The following EPB41L3 variants were observed in gnomAD, a reference collection of about 807,000 sequenced individuals.
The protein encoded by EPB41L3 is erythrocyte membrane protein band 4.1 like 3, also known as band 4.1-like protein 3.
In EPB41L3, 57 loss-of-function variants were observed where a neutral mutation model predicts 127.1. The ratio of observed to expected loss-of-function variants is 0.45; its 90% CI spans 0.36 to 0.56. EPB41L3 has a LOEUF of 0.56. Ranked by LOEUF, EPB41L3 falls within the 20% of genes least tolerant of loss-of-function variation. The probability of loss-of-function intolerance (pLI) is 0.00; values close to 1 mark genes in which losing one functional copy is unlikely to be tolerated. For synonymous variants in EPB41L3, 572 were observed against 549.5 expected (o/e 1.04, Z -0.57); for missense variants, 1,273 against 1,372.2 (o/e 0.93, Z 1.14).
chr18:5,591,629 T>C (rs1463371185), intron 3 of EPB41L3, among the ~76,000 whole-genome samples: 1 of 152,192 alleles, frequency 6.6e-6, no homozygotes, highest in Non-Finnish European at 1.5e-5. Context: ...GGAAGAAAAG[T>C]GGAAGAAATA....
At chr18:5,544,232 C>A, upstream of EPB41L3, 1 of 985,688 alleles carries the variant, frequency 1.0e-6, no homozygotes, top group Non-Finnish European at 1.2e-6. Context: ...GGTCAGGCTC[C>A]GCGGACGACG....
chr18:5,560,896 GTC>G (rs1418180568), intron 3 of EPB41L3, among the ~76,000 whole-genome samples: 2 of 151,982 alleles, frequency 1.3e-5, no homozygotes, highest in African/African-American at 4.8e-5. Context: ...TGCATGACAT[GTC>G]CAATGAGAAA....
chr18:5,515,713 A>T (rs1345492694), intron 1 of EPB41L3, among the ~76,000 whole-genome samples: 1 of 152,250 alleles, frequency 6.6e-6, no homozygotes, highest in Non-Finnish European at 1.5e-5. Flanking sequence ...CACAGTTGTA[A>T]GTCAAAAAAT....
chr18:5,419,819 G>GATC lies in EPB41L3; in HGVS notation c.1397_1398insGAT (p.Thr466_Thr467insIle), dbSNP rs2077253763. ...CAGCCTTCTTCTCCGGAGTCACAGTGGTGATCAAGTTGGTCTGAGAGATGC... is the reference window on the plus strand; with the variant it reads ...CAGCCTTCTTCTCCGGAGTCACAGTGATCGTGATCAAGTTGGTCTGAGAGATGC... On this transcript the variant is annotated inframe_insertion, in exon 12 of 23. Coordinates refer to ENST00000341928, the MANE Select transcript of EPB41L3 (RefSeq NM_012307.5). 6 of 1,614,070 alleles carry GATC rather than the reference G, an allele frequency of 3.7e-6. No individual in the cohort carries two copies. The highest frequency in any genetic ancestry group is 5.1e-6 in the Non-Finnish European group (6 of 1,180,044).
At chr18:5,454,009 A>C (rs2082658067) in intron 3 of EPB41L3, among the ~76,000 whole-genome samples, 1 of 152,014 alleles carries the variant, frequency 6.6e-6, no homozygotes, top group South Asian at 2.1e-4. Context: ...TGACTGCACT[A>C]CCATTTACCT....
chr18:5,602,137 G>T (rs2094598162), intron 3 of EPB41L3, among the ~76,000 whole-genome samples: 1 of 152,108 alleles, frequency 6.6e-6, no homozygotes, highest in African/African-American at 2.4e-5. Flanking sequence ...TTCTCATTTT[G>T]ATGGTAAAGA....
At chr18:5,434,947 T>C (rs534301501) in intron 6 of EPB41L3, among the ~76,000 whole-genome samples, 1 of 152,320 alleles carries the variant, frequency 6.6e-6, no homozygotes, top group African/African-American at 2.4e-5. Flanking sequence ...CTGAAGACCT[T>C]CCAGTGGGAC....
intron 1 of EPB41L3, among the ~76,000 whole-genome samples, chr18:5,497,539 A>T (rs1770065757): frequency 6.6e-6 from 1 of 152,226 alleles, no homozygotes; most frequent in African/African-American, 2.4e-5. Context: ...AAACACAGGG[A>T]TCCCTAGTGG....
intron 2 of EPB41L3, among the ~76,000 whole-genome samples, chr18:5,481,835 T>C (rs2088603042): frequency 6.6e-6 from 1 of 152,178 alleles, no homozygotes; most frequent in Admixed American, 6.5e-5. Flanking sequence ...GCCAAGGTGA[T>C]CTGGGCTTAA....
chr18:5,589,537 G>T (rs193176090), intron 3 of EPB41L3, among the ~76,000 whole-genome samples: 1 of 152,122 alleles, frequency 6.6e-6, no homozygotes, highest in African/African-American at 2.4e-5. Context: ...GTGTTTAGAT[G>T]AGTCTTTATC....
intron 3 of EPB41L3, among the ~76,000 whole-genome samples, chr18:5,589,810 C>T (rs1360885548): frequency 6.6e-6 from 1 of 152,224 alleles, no homozygotes; most frequent in Non-Finnish European, 1.5e-5. Context: ...CTTTCTGATG[C>T]TTCAAGGACA....
rs1339867920 is a variant in EPB41L3, at chr18:5,397,050, C to T, written c.2841+8G>A. ...TTAGTGATAAAAGTAACATTTACTA[C>T]TAGTTACCTCAAAATGAGGTTTTTG... is the stretch of plus-strand genomic sequence containing the variant. On this transcript the variant is annotated splice_region_variant and intron_variant, in intron 18 of 22. Transcript: ENST00000341928. This position sits in a 1 kb window ranked among gnomAD's most constrained non-coding sequence, Gnocchi z 4.1. 6.3e-7 allele frequency: 1 copy of T among 1,582,112 alleles called. No individual in the cohort carries two copies. Among genetic ancestry groups the T allele is most frequent in the African/African-American group, 1.4e-5 (1 of 73,808 alleles).
At chr18:5,629,356 G>C (rs948531289), upstream of EPB41L3, among the ~76,000 whole-genome samples, 1 of 151,738 alleles carries the variant, frequency 6.6e-6, no homozygotes, top group African/African-American at 2.4e-5. Flanking sequence ...CGCCGGGCTG[G>C]GGGAACTGGC....
rs114915659 is a variant in EPB41L3 at position 5,517,860 on chromosome 18, C to T, written c.-12+26053G>A. Among the ~76,000 whole-genome samples the T allele has an allele frequency of 6.7e-3, 1,018 of 152,266 alleles. 16 individuals carry two copies. Among genetic ancestry groups the T allele is most frequent in the African/African-American group, 0.024 (978 of 41,562 alleles). ...TCCCTTAGGATTCCAGCACCAGCTC[C>T]TGGCTTTCCTCCTCCCCCACTGACC... On this transcript the variant is annotated intron_variant, in intron 1 of 22. Coordinates refer to ENST00000341928, the MANE Select transcript of EPB41L3 (RefSeq NM_012307.5).
intron 1 of EPB41L3, among the ~76,000 whole-genome samples, chr18:5,502,507 G>A (rs1406950358): frequency 6.6e-6 from 1 of 152,172 alleles, no homozygotes; most frequent in African/African-American, 2.4e-5. Context: ...TGAACACAAA[G>A]TAAATCTGTC....
chr18:5,577,434 C>T (rs1336339569), intron 3 of EPB41L3: 3 of 420,774 alleles, frequency 7.1e-6, no homozygotes, highest in Non-Finnish European at 1.4e-5. Context: ...TCTCCGGCTT[C>T]TATTCCTCCA....
At chr18:5,510,621 G>A (rs758070296) in intron 1 of EPB41L3, among the ~76,000 whole-genome samples, 2 of 152,188 alleles carry the variant, frequency 1.3e-5, no homozygotes, top group Non-Finnish European at 2.9e-5. Flanking sequence ...TTCCATTCCA[G>A]TGGTCTATAT....
At chr18:5,395,753 G>T in intron 19 of EPB41L3, 46 bp from the exon 20 acceptor site, 1 of 1,476,682 alleles carries the variant, frequency 6.8e-7, no homozygotes, top group Non-Finnish European at 9.4e-7. Flanking sequence ...GCTCACATCT[G>T]CTCTTCAGAA....
chr18:5,428,384 A>C lies in EPB41L3; in HGVS notation c.994T>G (p.Phe332Val). 6.2e-7 allele frequency: 1 copy of C among 1,614,178 alleles called. No homozygotes were observed. Among genetic ancestry groups the C allele is most frequent in the Non-Finnish European group, 8.5e-7 (1 of 1,180,040 alleles). ...IYRDRLRINR[F>V]AWPKVLKISY... is the part of the protein sequence containing the mutation. ...ATCTTTAGAACCTTGGGCCAGGCAA[A>C]TCTGTTTATTCGCAGCCGGTCGCGA... is the stretch of plus-strand genomic sequence containing the variant. Residue 332 changes from phenylalanine to valine, a missense_variant, in exon 9 of 23, where the codon TTT becomes GTT. By Grantham distance (50) the Phe-to-Val change is conservative (BLOSUM62 -1). Transcript: ENST00000341928.
Sources: allele counts gnomAD v4.1 joint callset (sites outside exome capture counted in the v4.1 genomes callset), GRCh38; gene constraint gnomAD v4.1.1; non-coding constraint Gnocchi (gnomAD v3.1); transcripts MANE v1.5; gene names NCBI Gene and HGNC (gene_info 2026-07-23, HGNC 2026-07-21).